The following HMGB1 variants were observed in gnomAD, a reference collection of about 807,000 sequenced individuals.
HMGB1 encodes high mobility group box 1.
For missense variants in HMGB1, 79 were observed against 253.5 expected (o/e 0.31, Z 4.67); for synonymous variants, 81 against 84.0 (o/e 0.96, Z 0.19).
intron 1 of HMGB1, among the ~76,000 whole-genome samples, chr13:30,603,044 C>T (rs1032461491): frequency 6.6e-6 from 1 of 152,202 alleles, no homozygotes; most frequent in Non-Finnish European, 1.5e-5. Context: ...TGGGCTGAAG[C>T]AATCTGCCTG....
chr13:30,613,498 A>T (rs978880013), intron 1 of HMGB1, among the ~76,000 whole-genome samples: 2 of 152,028 alleles, frequency 1.3e-5, no homozygotes, highest in Non-Finnish European at 2.9e-5. Context: ...TTGTTACATC[A>T]CTCATTGCTG....
At chr13:30,505,785 C>T (rs547440796) in intron 1 of HMGB1, among the ~76,000 whole-genome samples, 1 of 152,314 alleles carries the variant, frequency 6.6e-6, no homozygotes, top group Non-Finnish European at 1.5e-5. Flanking sequence ...TCAGTGCACA[C>T]AATCACCTTA....
At chr13:30,553,803 C>A (rs1043166169) in intron 1 of HMGB1, 2 of 1,385,736 alleles carry the variant, frequency 1.4e-6, no homozygotes, top group East Asian at 2.3e-5. Context: ...AAACAGAAAT[C>A]GAAATAGATA....
At chr13:30,583,839 A>AAAGGAAAG (rs1555242865) in intron 1 of HMGB1, among the ~76,000 whole-genome samples, 1 of 137,666 alleles carries the variant, frequency 7.3e-6, no homozygotes, top group Admixed American at 7.7e-5. Flanking sequence ...AAAAAAAAAA[A>AAAGGAAAG]AAAGAAAGAA....
At chr13:30,469,137 C>T (rs530038161), upstream of HMGB1, among the ~76,000 whole-genome samples, 7 of 152,122 alleles carry the variant, frequency 4.6e-5, no homozygotes, top group East Asian at 1.2e-3. Flanking sequence ...GTGATCTGCC[C>T]GCCTCAGCCT....
intron 1 of HMGB1, among the ~76,000 whole-genome samples, chr13:30,604,468 C>G (rs941036889): frequency 6.6e-6 from 1 of 152,132 alleles, no homozygotes; most frequent in Non-Finnish European, 1.5e-5. Flanking sequence ...CTACTTGCAT[C>G]TAGCAGGTAG....
chr13:30,537,111 T>TCAG (rs1490721389), intron 1 of HMGB1, among the ~76,000 whole-genome samples: 1 of 152,228 alleles, frequency 6.6e-6, no homozygotes, highest in African/African-American at 2.4e-5. Flanking sequence ...TTTTACCTTC[T>TCAG]CAGTTGATTG....
chr13:30,558,069 A>G (rs1159620327), intron 1 of HMGB1, among the ~76,000 whole-genome samples: 1 of 152,182 alleles, frequency 6.6e-6, no homozygotes, highest in African/African-American at 2.4e-5. Context: ...ACAACTTCCA[A>G]AAACCGAGCC....
chr13:30,465,299 CCCGCCCGGCTGG>C lies in HMGB1; in HGVS notation c.-15+485_-15+496del, dbSNP rs1450090551. 2.2e-5 allele frequency: 3 copies of C among 138,996 alleles called. No individual in the cohort carries two copies. The East Asian group carries it at 6.7e-4, about 31-fold the overall frequency. 8.6% of individuals were successfully genotyped at this position (138,996 alleles called of 1,614,324 possible). On this transcript the variant is annotated intron_variant, in intron 1 of 4. Coordinates refer to ENST00000341423, the MANE Select transcript of HMGB1 (RefSeq NM_002128.7). ...CCGCGGCGCCCCGCCCGCCCCGCCG[CCCGCCCGGCTGG>C]CCGCGCTCCCCGCCAGCGCCCGGCT...
intron 1 of HMGB1, among the ~76,000 whole-genome samples, chr13:30,482,506 C>G (rs1887254712): frequency 6.6e-6 from 1 of 152,128 alleles, no homozygotes; most frequent in Non-Finnish European, 1.5e-5. Flanking sequence ...CACATCAAGC[C>G]TTTGGGGTGG....
chr13:30,565,111 A>T (rs1038996295), intron 1 of HMGB1, among the ~76,000 whole-genome samples: 1 of 152,252 alleles, frequency 6.6e-6, no homozygotes, highest in Non-Finnish European at 1.5e-5. Flanking sequence ...TAAGTTATAT[A>T]AAAATCACAA....
intron 1 of HMGB1, among the ~76,000 whole-genome samples, chr13:30,566,885 T>C (rs1007235045): frequency 6.6e-6 from 1 of 152,210 alleles, no homozygotes; most frequent in Non-Finnish European, 1.5e-5. Flanking sequence ...AAATAGAAAC[T>C]GTGATAAGAA....
chr13:30,503,292 C>T (rs556144089), intron 1 of HMGB1, among the ~76,000 whole-genome samples: 48 of 151,662 alleles, frequency 3.2e-4, no homozygotes, highest in African/African-American at 9.7e-4. Context: ...TGCAGTGAGC[C>T]GAGATCGCGC....
chr13:30,522,166 G>A (rs1888254734), intron 1 of HMGB1, among the ~76,000 whole-genome samples: 2 of 141,674 alleles, frequency 1.4e-5, no homozygotes, highest in Non-Finnish European at 3.0e-5. Flanking sequence ...AGGTTGAAGT[G>A]CAGTGGTATG....
At chr13:30,554,133 CA>C (rs1869564147) in intron 1 of HMGB1, 2 of 1,258,838 alleles carry the variant, frequency 1.6e-6, no homozygotes, top group Non-Finnish European at 2.3e-6. Flanking sequence ...TCATATTACA[CA>C]GTACATCTAC....
At chr13:30,530,950 G>C (rs1054720020) in intron 1 of HMGB1, among the ~76,000 whole-genome samples, 6 of 152,210 alleles carry the variant, frequency 3.9e-5, no homozygotes, top group Non-Finnish European at 5.9e-5. Context: ...AGAAGGCTGA[G>C]GTGAGAAGGT....
At chr13:30,535,688 G>A (rs898414727) in intron 1 of HMGB1, among the ~76,000 whole-genome samples, 1 of 152,160 alleles carries the variant, frequency 6.6e-6, no homozygotes, top group Non-Finnish European at 1.5e-5. Context: ...TCAGGAGTTC[G>A]AAACCAGCCT....
chr13:30,495,805 A>C (rs891528445), intron 1 of HMGB1, among the ~76,000 whole-genome samples: 3 of 152,148 alleles, frequency 2.0e-5, no homozygotes, highest in African/African-American at 7.2e-5. Flanking sequence ...TGTGGCAGAC[A>C]ACCCTTTAAT....
chr13:30,463,370 G>T lies in HMGB1; in HGVS notation c.151-18C>A, dbSNP rs375874287. The T allele has an allele frequency of 1.9e-6, 3 of 1,577,802 alleles. No individual in the cohort carries two copies. The highest frequency in any genetic ancestry group is 1.2e-5 in the South Asian group (1 of 85,776). On this transcript the variant is annotated intron_variant, in intron 2 of 4. Transcript: ENST00000341423. ...GACATGGTCTACAAAATAATTATTT[G>T]TAAGTTTAAGTTGTAACATTTAAGT...
Sources: allele counts gnomAD v4.1 joint callset (sites outside exome capture counted in the v4.1 genomes callset), GRCh38; gene constraint gnomAD v4.1.1; transcripts MANE v1.5; gene names NCBI Gene and HGNC (gene_info 2026-07-23, HGNC 2026-07-21).